GRID2: variants seen among roughly 807,000 people sequenced by gnomAD.
The protein encoded by GRID2 is glutamate ionotropic receptor delta type subunit 2, also known as glutamate receptor ionotropic, delta-2.
A neutral mutation model predicts 114.8 loss-of-function variants in GRID2; 33 were observed. That is an observed-to-expected ratio of 0.29 (90% CI 0.22 to 0.38). GRID2 has a LOEUF of 0.38. Ranked by LOEUF, GRID2 falls within the 10% of genes least tolerant of loss-of-function variation. GRID2 has a pLI of 1.00. For synonymous variants in GRID2, 505 were observed against 449.9 expected (o/e 1.12, Z -1.55); for missense variants, 1,184 against 1,257.7 (o/e 0.94, Z 0.89).
intron 9 of GRID2, among the ~76,000 whole-genome samples, chr4:93,402,057 T>G (rs1413161637): frequency 6.6e-6 from 1 of 152,122 alleles, no homozygotes; most frequent in African/African-American, 2.4e-5. Context: ...AGCAATGTAC[T>G]TAATTTCCTC....
chr4:93,357,645 C>T (rs920635283), intron 8 of GRID2, among the ~76,000 whole-genome samples: 1 of 151,222 alleles, frequency 6.6e-6, no homozygotes, highest in African/African-American at 2.4e-5. Flanking sequence ...TATATTGCTA[C>T]AAAATATTGC....
intron 3 of GRID2, among the ~76,000 whole-genome samples, chr4:93,096,445 G>T (rs921850706): frequency 6.6e-6 from 1 of 151,964 alleles, no homozygotes; most frequent in Non-Finnish European, 1.5e-5. Context: ...TCCGAAAAAC[G>T]TATAAATATG....
At chr4:92,982,421 T>TCAATTGA (rs1243930046) in intron 2 of GRID2, among the ~76,000 whole-genome samples, 1 of 152,250 alleles carries the variant, frequency 6.6e-6, no homozygotes, top group Admixed American at 6.5e-5. Flanking sequence ...AATGACATAT[T>TCAATTGA]ATTTGAGTGA....
intron 1 of GRID2, among the ~76,000 whole-genome samples, chr4:92,388,809 C>A (rs1730103520): frequency 6.6e-6 from 1 of 152,038 alleles, no homozygotes; most frequent in South Asian, 2.1e-4. Flanking sequence ...ATCCCTGTTA[C>A]AATTTTTTTG....
Position 93,085,029 on chromosome 4 carries a change from G to A in GRID2, c.279G>A (p.Leu93=). 2 of 1,614,038 alleles carry A rather than the reference G, an allele frequency of 1.2e-6. No individual in the cohort carries two copies. ...CELMNQGILA[L]VSSIGCTSAG... The stretch of plus-strand genomic sequence containing the variant: ...TTATGAATCAAGGCATCTTGGCCCT[G>A]GTCAGCTCCATTGGCTGCACGTCAG... The change falls in exon 3 of 16, where the codon CTG becomes CTA. Residue 93 remains leucine, a synonymous_variant. Coordinates refer to ENST00000282020, the MANE Select transcript of GRID2 (RefSeq NM_001510.4).
intron 14 of GRID2, among the ~76,000 whole-genome samples, chr4:93,717,886 G>T (rs1274063708): frequency 6.6e-6 from 1 of 152,152 alleles, no homozygotes; most frequent in African/African-American, 2.4e-5. Flanking sequence ...ACTATCTTGA[G>T]AGAGTTATAA....
At chr4:93,795,225 A>G (rs532476682) in intron 1 of GRID2, among the ~76,000 whole-genome samples, 1 of 152,092 alleles carries the variant, frequency 6.6e-6, no homozygotes, top group African/African-American at 2.4e-5. Flanking sequence ...TAGTGTGACT[A>G]TAACAGGTAG....
intron 14 of GRID2, among the ~76,000 whole-genome samples, chr4:93,675,869 T>C (rs1162398657): frequency 6.6e-6 from 1 of 152,256 alleles, no homozygotes; most frequent in African/African-American, 2.4e-5. Flanking sequence ...TAATGGCTTA[T>C]ACTTTCCACT....
intron 2 of GRID2, among the ~76,000 whole-genome samples, chr4:92,990,340 T>C (rs967715713): frequency 6.6e-6 from 1 of 150,456 alleles, no homozygotes; most frequent in Non-Finnish European, 1.5e-5. Context: ...TAATTTTTTT[T>C]GAGATAGAGT....
intron 2 of GRID2, among the ~76,000 whole-genome samples, chr4:92,908,357 A>G (rs1245112442): frequency 6.6e-6 from 1 of 152,194 alleles, no homozygotes; most frequent in Non-Finnish European, 1.5e-5. Context: ...ACATTATGGT[A>G]ACTGCTGAAA....
intron 1 of GRID2, among the ~76,000 whole-genome samples, chr4:92,431,011 C>T (rs1193218572): frequency 2.0e-5 from 3 of 152,070 alleles, no homozygotes; most frequent in Non-Finnish European, 2.9e-5. Context: ...CTTGTGGACT[C>T]ATTAGGTTTT....
intron 1 of GRID2, among the ~76,000 whole-genome samples, chr4:92,472,135 G>A (rs1260297763): frequency 1.5e-5 from 1 of 68,864 alleles, no homozygotes; most frequent in Non-Finnish European, 3.0e-5. Flanking sequence ...GGGTTTCACC[G>A]TTTTAGCCGG....
chr4:93,393,528 A>G (rs1157146046), intron 8 of GRID2, among the ~76,000 whole-genome samples: 1 of 152,000 alleles, frequency 6.6e-6, no homozygotes, highest in Non-Finnish European at 1.5e-5. Context: ...AAGATTAGAT[A>G]TATTTACCTA....
chr4:92,337,646 G>C (rs1379252484), intron 1 of GRID2, among the ~76,000 whole-genome samples: 1 of 152,142 alleles, frequency 6.6e-6, no homozygotes, highest in Admixed American at 6.6e-5. Context: ...GAAACCATCA[G>C]ATCTTGTAAG....
At chr4:92,919,170 T>A (rs566458917) in intron 2 of GRID2, among the ~76,000 whole-genome samples, 1 of 152,262 alleles carries the variant, frequency 6.6e-6, no homozygotes, top group Admixed American at 6.5e-5. Flanking sequence ...TGATGGTGGT[T>A]TGTATTTCTT....
intron 2 of GRID2, among the ~76,000 whole-genome samples, chr4:92,591,346 T>G (rs896728498): frequency 2.0e-5 from 3 of 152,212 alleles, no homozygotes; most frequent in African/African-American, 4.8e-5. Context: ...TAAATTTATG[T>G]TACTTATAAA....
intron 3 of GRID2, among the ~76,000 whole-genome samples, chr4:93,085,540 G>T (rs986942941): frequency 1.3e-5 from 2 of 152,122 alleles, no homozygotes; most frequent in Non-Finnish European, 2.9e-5. Context: ...GAGAGAATCT[G>T]ATTCCAATAC....
intron 2 of GRID2, among the ~76,000 whole-genome samples, chr4:92,938,084 T>C (rs1208274239): frequency 1.4e-5 from 2 of 146,926 alleles, no homozygotes; most frequent in African/African-American, 4.9e-5. Context: ...ATGCTCTTTA[T>C]GCATGAACTG....
intron 2 of GRID2, among the ~76,000 whole-genome samples, chr4:93,027,075 C>G (rs528839172): frequency 3.2e-4 from 48 of 152,046 alleles, no homozygotes; most frequent in Admixed American, 8.5e-4. Flanking sequence ...GCGATCAACA[C>G]CATTTTTTTG....
Sources: allele counts gnomAD v4.1 joint callset (sites outside exome capture counted in the v4.1 genomes callset), GRCh38; gene constraint gnomAD v4.1.1; transcripts MANE v1.5; gene names NCBI Gene and HGNC (gene_info 2026-07-23, HGNC 2026-07-21).